The following LRP2BP variants were observed in gnomAD, a reference collection of about 807,000 sequenced individuals.
The protein encoded by LRP2BP is LRP2-binding protein.
In LRP2BP, 38 loss-of-function variants were observed where a neutral mutation model predicts 45.2. The observed-to-expected ratio is 0.84, with a 90% confidence interval of 0.65 to 1.10. The LOEUF is 1.10. Ranked by LOEUF, LRP2BP falls within the 50% of genes least tolerant of loss-of-function variation. The pLI is 0.00. For synonymous variants in LRP2BP, 153 were observed against 153.9 expected (o/e 0.99, Z 0.04); for missense variants, 385 against 418.9 (o/e 0.92, Z 0.71).
chr4:185,379,145 A>G (rs1461311235), intron 1 of LRP2BP: 1 of 207,380 alleles, frequency 4.8e-6, no homozygotes, highest in African/African-American at 2.4e-5. Context: ...TTTAAGTTGG[A>G]CTATAAGTGG....
intron 1 of LRP2BP, among the ~76,000 whole-genome samples, chr4:185,381,941 A>G (rs149727395): frequency 6.6e-6 from 1 of 152,324 alleles, no homozygotes; most frequent in East Asian, 1.9e-4. Context: ...TAATATAATT[A>G]CAAAGTTGTG....
intron 1 of LRP2BP, among the ~76,000 whole-genome samples, chr4:185,389,011 C>T (rs879718784): frequency 6.6e-6 from 1 of 151,806 alleles, no homozygotes; most frequent in Non-Finnish European, 1.5e-5. Context: ...TCCCAAGTAG[C>T]TGGGATTACA....
At position 185,395,125 on chromosome 4, in the gene LRP2BP, G is replaced by A. The variant is rs1291243263; in HGVS notation, c.-368C>T. The stretch of plus-strand genomic sequence containing the variant: ...TGAAAACAATGTGAGCAATGGACAG[G>A]TACGCTGTGATTAAAGGGAGAAAAG... On this transcript the variant is annotated 5_prime_UTR_variant, in exon 1 of 9. Transcript: ENST00000505916. 6 of 985,266 alleles carry A rather than the reference G, an allele frequency of 6.1e-6. No homozygotes were observed. The highest frequency in any genetic ancestry group is 7.2e-6 in the Non-Finnish European group (6 of 829,936). 61.0% of individuals were successfully genotyped at this position (985,266 alleles called of 1,614,324 possible).
rs759075930 is a variant in LRP2BP at position 185,374,453 on chromosome 4, C to T, written c.339G>A (p.Gly113=). 3 of 1,605,382 alleles carry T rather than the reference C, an allele frequency of 1.9e-6. No homozygotes were observed. The highest frequency in any genetic ancestry group is 4.5e-5 in the East Asian group (2 of 44,850). ...GLGTTLDAEK[G]VDYMKKILDS... ...CAAGAATTTTCTTCATATAGTCCAC[C>T]CCTTTCTCCTTCGACAAAAGAAAGA... The change falls in exon 5 of 9, where the codon GGG becomes GGA. Residue 113 remains glycine, a synonymous_variant. Coordinates refer to ENST00000505916, the MANE Select transcript of LRP2BP (RefSeq NM_001377440.1).
chr4:185,377,695 G>C (rs1258119002), intron 2 of LRP2BP: 1 of 172,926 alleles, frequency 5.8e-6, no homozygotes, highest in Non-Finnish European at 1.2e-5. Flanking sequence ...GCCTTAATGA[G>C]AGTTCCTCTA....
At chr4:185,393,228 G>A (rs1412275562) in intron 1 of LRP2BP, among the ~76,000 whole-genome samples, 1 of 152,134 alleles carries the variant, frequency 6.6e-6, no homozygotes, top group Non-Finnish European at 1.5e-5. Flanking sequence ...ACTGCATCTG[G>A]TGAGATTTTT....
upstream of LRP2BP, chr4:185,396,879 C>A (rs759998381): frequency 1.2e-6 from 2 of 1,608,620 alleles, no homozygotes; most frequent in East Asian, 2.2e-5. Context: ...AGTGTCTCAC[C>A]TCTCTGCACT....
At chr4:185,378,983 T>C in intron 1 of LRP2BP, 4 of 985,286 alleles carry the variant, frequency 4.1e-6, no homozygotes, top group Non-Finnish European at 4.8e-6. Context: ...TGCATTTTTA[T>C]ATCATTCCAT....
At chr4:185,382,908 C>A (rs1372532033) in intron 1 of LRP2BP, among the ~76,000 whole-genome samples, 1 of 152,158 alleles carries the variant, frequency 6.6e-6, no homozygotes, top group African/African-American at 2.4e-5. Flanking sequence ...TCCAAGGTCA[C>A]AAAAGTTTAC....
intron 2 of LRP2BP, chr4:185,377,766 TTAAA>T (rs2095442915): frequency 4.7e-6 from 1 of 214,688 alleles, no homozygotes; most frequent in Non-Finnish European, 9.1e-6. Flanking sequence ...GATAAGGTAT[TTAAA>T]TAATAATTGC....
rs2095390497 is a variant in LRP2BP at position 185,367,100 on chromosome 4, A to C, written c.*80T>G. 1.6e-6 allele frequency: 2 copies of C among 1,234,684 alleles called. No homozygotes were observed. The highest frequency in any genetic ancestry group is 3.0e-5 in the African/African-American group (2 of 66,700). 76.5% of individuals were successfully genotyped at this position (1,234,684 alleles called of 1,614,324 possible). On this transcript the variant is annotated 3_prime_UTR_variant, in exon 9 of 9. Coordinates refer to ENST00000505916, the MANE Select transcript of LRP2BP (RefSeq NM_001377440.1). ...GATAGTGTAATTTGTGATGTGCAAA[A>C]TAACCAAACATAGCTACTGTAAAAA... is the stretch of plus-strand genomic sequence containing the variant.
At chr4:185,383,874 C>T (rs541414708) in intron 1 of LRP2BP, among the ~76,000 whole-genome samples, 10 of 152,288 alleles carry the variant, frequency 6.6e-5, no homozygotes, top group Non-Finnish European at 1.0e-4. Flanking sequence ...GCAGGTGCGC[C>T]GTGTTTTTCC....
At chr4:185,384,535 T>C (rs979361680) in intron 1 of LRP2BP, among the ~76,000 whole-genome samples, 3 of 151,842 alleles carry the variant, frequency 2.0e-5, no homozygotes, top group African/African-American at 7.3e-5. Flanking sequence ...CACTTAATAG[T>C]TGGCCTAATC....
At chr4:185,384,029 T>A (rs1270713228) in intron 1 of LRP2BP, among the ~76,000 whole-genome samples, 1 of 152,208 alleles carries the variant, frequency 6.6e-6, no homozygotes, top group Non-Finnish European at 1.5e-5. Flanking sequence ...GTCCTAGTCC[T>A]GACACAGTAC....
At chr4:185,369,227 C>CT (rs35543353) in intron 8 of LRP2BP, among the ~76,000 whole-genome samples, 3,109 of 100,902 alleles carry the variant, frequency 0.031, 130 homozygotes, top group African/African-American at 0.055. Flanking sequence ...ATACAGAGAG[C>CT]TTTTTTTTTT....
intron 3 of LRP2BP, 21 bp from the exon 4 acceptor site, chr4:185,375,747 T>C (rs1443804894): frequency 2.7e-6 from 4 of 1,481,044 alleles, no homozygotes; most frequent in Non-Finnish European, 3.7e-6. Flanking sequence ...CCAGAAGATA[T>C]TTAATTATTT....
chr4:185,373,189 C>G (rs573279272), intron 6 of LRP2BP, 110 bp from the exon 7 acceptor site: 5 of 1,020,362 alleles, frequency 4.9e-6, no homozygotes, highest in South Asian at 1.6e-5. Context: ...TATTAATCAT[C>G]TCTAGGAAAG....
chr4:185,393,131 A>G (rs772891735), intron 1 of LRP2BP, among the ~76,000 whole-genome samples: 7 of 149,778 alleles, frequency 4.7e-5, no homozygotes, highest in East Asian at 2.0e-4. Flanking sequence ...CGGTTCCGCC[A>G]TGTTGGCCAG....
In LRP2BP at chr4:185,364,311, G is replaced by C. The variant is rs1323470756; in HGVS notation, c.*2869C>G. On this transcript the variant is annotated 3_prime_UTR_variant, in exon 9 of 9. Coordinates refer to ENST00000505916, the MANE Select transcript of LRP2BP (RefSeq NM_001377440.1). Reference sequence around the variant, plus strand: ...ATTATCAAGCCGTTTAGACCACAGGGACATTAGGGGAGATCCAGAGTACAG... The same window carrying C: ...ATTATCAAGCCGTTTAGACCACAGGCACATTAGGGGAGATCCAGAGTACAG... 1 of 152,134 alleles carries C rather than the reference G, an allele frequency of 6.6e-6. No individual in the cohort carries two copies. The highest frequency in any genetic ancestry group is 1.5e-5 in the Non-Finnish European group (1 of 68,034). 9.4% of individuals were successfully genotyped at this position (152,134 alleles called of 1,614,324 possible). A position where few individuals can be genotyped will look rare whatever the true frequency, so the allele number is the denominator to read the frequency against.
Sources: allele counts gnomAD v4.1 joint callset (sites outside exome capture counted in the v4.1 genomes callset), GRCh38; gene constraint gnomAD v4.1.1; transcripts MANE v1.5; gene names NCBI Gene and HGNC (gene_info 2026-07-23, HGNC 2026-07-21).